PRMT8: variants seen among roughly 807,000 people sequenced by gnomAD.
The protein encoded by PRMT8 is protein arginine N-methyltransferase 8.
PRMT8 carries 7 observed loss-of-function variants against 47.1 expected under a neutral mutation model. The observed-to-expected ratio is 0.15, with a 90% CI of 0.08 to 0.28. The LOEUF (loss-of-function observed/expected upper bound fraction) is 0.28. PRMT8 is among the 10% of genes least tolerant of loss of function. The pLI, the probability that PRMT8 is intolerant of heterozygous loss-of-function variation, is 1.00. For synonymous variants in PRMT8, 188 were observed against 186.5 expected (o/e 1.01, Z -0.07); for missense variants, 237 against 505.4 (o/e 0.47, Z 5.09).
intron 1 of PRMT8, among the ~76,000 whole-genome samples, chr12:3,392,768 A>G (rs1309387455): frequency 6.6e-6 from 1 of 151,908 alleles, no homozygotes; most frequent in Non-Finnish European, 1.5e-5. Flanking sequence ...CTAGTTCTAG[A>G]TCCCTGAGGA....
At chr12:3,433,024 T>G (rs1366948462) in intron 1 of PRMT8, among the ~76,000 whole-genome samples, 3 of 152,154 alleles carry the variant, frequency 2.0e-5, no homozygotes, top group Non-Finnish European at 1.5e-5. Flanking sequence ...TCACAGGAAA[T>G]GCCATACTGC....
chr12:3,426,894 C>A (rs1380914169), intron 1 of PRMT8, among the ~76,000 whole-genome samples: 3 of 152,104 alleles, frequency 2.0e-5, no homozygotes, highest in Admixed American at 6.5e-5. Context: ...CCTTCCCAGG[C>A]TGGCTCGAGT....
At chr12:3,438,718 G>T (rs755421803) in intron 1 of PRMT8, among the ~76,000 whole-genome samples, 3 of 152,148 alleles carry the variant, frequency 2.0e-5, no homozygotes, top group African/African-American at 7.2e-5. Flanking sequence ...TCAGTAGTTC[G>T]AATAGTGACC....
chr12:3,383,990 A>G (rs1218033516), intron 1 of PRMT8, among the ~76,000 whole-genome samples: 2 of 152,322 alleles, frequency 1.3e-5, no homozygotes, highest in East Asian at 1.9e-4. Flanking sequence ...GGAATTTTCT[A>G]CATAGACAAT....
At chr12:3,579,548 C>T (rs1469673615) in intron 7 of PRMT8, among the ~76,000 whole-genome samples, 2 of 152,040 alleles carry the variant, frequency 1.3e-5, no homozygotes, top group African/African-American at 4.8e-5. Context: ...ATTTTCTGTC[C>T]CACGCTGGTC....
chr12:3,390,024 A>G (rs1029520208), intron 1 of PRMT8, among the ~76,000 whole-genome samples: 1 of 152,270 alleles, frequency 6.6e-6, no homozygotes. Context: ...AGCCTCCTCC[A>G]AGGCTGCCCA....
chr12:3,509,396 T>C (rs1221039136), intron 1 of PRMT8, among the ~76,000 whole-genome samples: 1 of 152,160 alleles, frequency 6.6e-6, no homozygotes, highest in Non-Finnish European at 1.5e-5. Context: ...CAGATCCAAG[T>C]CTCCTCCTAT....
rs777091848 is a variant in PRMT8 at position 3,550,133 on chromosome 12, C to G, written c.417+42C>G. On this transcript the variant is annotated intron_variant, in intron 3 of 9. Transcript: ENST00000382622. The surrounding 1 kb of genome is among the most constrained non-coding windows in gnomAD (Gnocchi z 5.1). The stretch of plus-strand genomic sequence containing the variant: ...CTCCTGCATGCTGGCTTCCACAGAG[C>G]CAGCCTCTTGCCCTCTGCCTCCACC... The G allele has an allele frequency of 2.5e-6, 4 of 1,605,736 alleles. No homozygotes were observed. The African/African-American group carries it at 4.0e-5, about 16-fold the overall frequency.
At chr12:3,484,292 A>T (rs949484767) in intron 1 of PRMT8, among the ~76,000 whole-genome samples, 5 of 152,180 alleles carry the variant, frequency 3.3e-5, no homozygotes, top group Admixed American at 6.5e-5. Context: ...TGAAATGGCA[A>T]ACAGAAGGAG....
At chr12:3,531,788 CT>C (rs1866035516) in intron 1 of PRMT8, among the ~76,000 whole-genome samples, 1 of 152,244 alleles carries the variant, frequency 6.6e-6, no homozygotes, top group Admixed American at 6.5e-5. Context: ...ATCCCAGCCC[CT>C]CTACTCTCAG....
rs1013651086 is a variant in PRMT8, at chr12:3,409,254, AGGGCACAGCACTG to A, written c.48+27814_48+27826del. Among the ~76,000 whole-genome samples, 1 of 152,128 alleles carries A rather than the reference AGGGCACAGCACTG, an allele frequency of 6.6e-6. No individual in the cohort carries two copies. Among genetic ancestry groups the A allele is most frequent in the Non-Finnish European group, 1.5e-5 (1 of 68,010 alleles). ...AACTATGACCCTGACTCTGGGGTGC[AGGGCACAGCACTG>A]GCCCAGCTTCAGGGAAGAAGGGGTG... On this transcript the variant is annotated intron_variant, in intron 1 of 9. Coordinates refer to the PRMT8 transcript ENST00000452611. The surrounding 1 kb of genome is among the most constrained non-coding windows in gnomAD (Gnocchi z 4.4).
In PRMT8 at chr12:3,485,413, C is replaced by G. The variant is rs78523064; in HGVS notation, c.49-55193C>G. On this transcript the variant is annotated intron_variant, in intron 1 of 9. Transcript: ENST00000452611. ...GCTACAGTCTTAGAAATTACAATTT[C>G]ATGAGGAACTGGCAATGGATATTAA... Among the ~76,000 whole-genome samples, 1,187 of 152,268 alleles carry G rather than the reference C, an allele frequency of 7.8e-3. 14 individuals carry two copies. Among genetic ancestry groups the G allele is most frequent in the African/African-American group, 0.026 (1,098 of 41,548 alleles).
At chr12:3,512,422 A>G (rs1865726680) in intron 1 of PRMT8, among the ~76,000 whole-genome samples, 1 of 152,008 alleles carries the variant, frequency 6.6e-6, no homozygotes. Flanking sequence ...TTTAAATTCA[A>G]CATGACCCAA....
intron 8 of PRMT8, among the ~76,000 whole-genome samples, chr12:3,587,875 C>T (rs149741095): frequency 7.2e-5 from 11 of 152,340 alleles, no homozygotes; most frequent in East Asian, 1.9e-4. Context: ...ATGACTCTGA[C>T]GTCTCTGCAG....
In PRMT8 at chr12:3,436,638, G is replaced by A. The variant is rs1054194013; in HGVS notation, c.48+55196G>A. On this transcript the variant is annotated intron_variant, in intron 1 of 9. Coordinates refer to the PRMT8 transcript ENST00000452611. This position sits in a 1 kb window ranked among gnomAD's most constrained non-coding sequence, Gnocchi z 4.2. The stretch of plus-strand genomic sequence containing the variant: ...CTTTTGCGTTGAGAAGTTTCAGCTG[G>A]GTGCATGGCCATAATTGGGTTACGG... Among the ~76,000 whole-genome samples, 16 of 152,162 alleles carry A rather than the reference G, an allele frequency of 1.1e-4. No individual in the cohort carries two copies. The East Asian group carries it at 2.7e-3, about 26-fold the overall frequency.
chr12:3,476,927 C>A (rs1234032697), intron 1 of PRMT8, among the ~76,000 whole-genome samples: 1 of 152,172 alleles, frequency 6.6e-6, no homozygotes, highest in Non-Finnish European at 1.5e-5. Flanking sequence ...AGGTCCAGGC[C>A]ATGGAGAAAT....
Position 3,538,606 on chromosome 12 carries a change from A to C in PRMT8, c.76-2000A>C. 1.9e-6 allele frequency: 1 copy of C among 519,026 alleles called. No individual in the cohort carries two copies. Among genetic ancestry groups the C allele is most frequent in the South Asian group, 1.4e-5 (1 of 71,588 alleles). 32.2% of individuals were successfully genotyped at this position (519,026 alleles called of 1,614,324 possible). On this transcript the variant is annotated intron_variant, in intron 1 of 9. Coordinates refer to ENST00000382622, the MANE Select transcript of PRMT8 (RefSeq NM_019854.5). The surrounding 1 kb of genome is among the most constrained non-coding windows in gnomAD (Gnocchi z 4.6). ...GAGGCCCCTGTGACCTTGACCATGC[A>C]CAATGCCCAGACCAGCTCCGACTTT...
At chr12:3,419,207 A>G (rs1489299293) in intron 1 of PRMT8, among the ~76,000 whole-genome samples, 1 of 152,214 alleles carries the variant, frequency 6.6e-6, no homozygotes, top group African/African-American at 2.4e-5. Context: ...AGCTGAGCTG[A>G]CGGGAGAGCC....
intron 1 of PRMT8, among the ~76,000 whole-genome samples, chr12:3,383,681 C>T (rs1465716110): frequency 6.6e-6 from 1 of 152,234 alleles, no homozygotes. Flanking sequence ...TCCCAGTCTC[C>T]AGAACTGTGA....
Sources: gnomAD v4.1 joint callset for allele counts (sites outside exome capture counted in the v4.1 genomes callset) on GRCh38, gnomAD v4.1.1 for gene constraint, Gnocchi (gnomAD v3.1) non-coding constraint, MANE v1.5 for transcripts, NCBI Gene and HGNC (gene_info 2026-07-23, HGNC 2026-07-21) for gene names.